PPP2R2D: variants seen among roughly 807,000 people sequenced by gnomAD.
PPP2R2D encodes protein phosphatase 2 regulatory subunit Bdelta.
A neutral mutation model predicts 31.1 loss-of-function variants in PPP2R2D; 9 were observed. That is an observed-to-expected ratio of 0.29 (90% confidence interval 0.17 to 0.51). PPP2R2D has a LOEUF of 0.51. PPP2R2D is among the 20% of genes least tolerant of loss of function. PPP2R2D has a pLI of 0.98. For missense variants in PPP2R2D, 391 were observed against 465.6 expected (o/e 0.84, Z 1.48); for synonymous variants, 179 against 172.6 (o/e 1.04, Z -0.29).
Position 131,947,382 on chromosome 10 carries a change from C to G in PPP2R2D, c.821-148C>G. 6 of 815,880 alleles carry G rather than the reference C, an allele frequency of 7.4e-6. 1 individual carries two copies. In the South Asian group the frequency reaches 1.1e-4, roughly 15 times the overall value. 50.5% of individuals were successfully genotyped at this position (815,880 alleles called of 1,614,324 possible). A position where few individuals can be genotyped will look rare whatever the true frequency, so the allele number is the denominator to read the frequency against. ...CGGAAGTCACAGAAGATCAGAAAAC[C>G]TAGAGAATCAGAAAGATCAGAAGAC... On this transcript the variant is annotated intron_variant, in intron 7 of 8. Transcript: ENST00000455566. The surrounding 1 kb of genome is among the most constrained non-coding windows in gnomAD (Gnocchi z 4.3).
At chr10:131,969,083 G>A in the PPP2R2D span, 1 of 155,540 alleles carries the variant, frequency 6.4e-6, no homozygotes, top group Non-Finnish European at 1.4e-5. Flanking sequence ...CCGGAGGGAG[G>A]AGGATGGGTC....
the PPP2R2D span, chr10:131,968,710 T>C: frequency 1.6e-6 from 1 of 618,322 alleles, no homozygotes; most frequent in Non-Finnish European, 2.9e-6. Flanking sequence ...AATTTTGTAA[T>C]GAATCTATCT....
intron 8 of PPP2R2D, among the ~76,000 whole-genome samples, chr10:131,949,716 C>CA (rs1200465877): frequency 1.3e-5 from 2 of 152,188 alleles, no homozygotes; most frequent in Non-Finnish European, 2.9e-5. Context: ...TCAGAGGGAA[C>CA]ATCTAGAAAT....
chr10:131,906,662 T>C (rs2035589969), intron 2 of PPP2R2D, among the ~76,000 whole-genome samples: 3 of 151,762 alleles, frequency 2.0e-5, no homozygotes, highest in Non-Finnish European at 4.4e-5. Context: ...GGCTCACGCC[T>C]GTAGTCTCAG....
At chr10:131,923,969 A>G (rs2036047548) in intron 2 of PPP2R2D, among the ~76,000 whole-genome samples, 1 of 152,128 alleles carries the variant, frequency 6.6e-6, no homozygotes, top group South Asian at 2.1e-4. Context: ...TGTGTTGCCC[A>G]GGCTGGTCTT....
At chr10:131,904,370 T>C (rs1487571361) in intron 2 of PPP2R2D, among the ~76,000 whole-genome samples, 1 of 151,246 alleles carries the variant, frequency 6.6e-6, no homozygotes, top group Non-Finnish European at 1.5e-5. Context: ...ATTAGCCGGG[T>C]GTGATGGCGG....
Position 131,956,519 on chromosome 10 carries a change from A to G in PPP2R2D, c.*556A>G, listed in dbSNP as rs2036803475. The G allele has an allele frequency of 1.0e-6, 1 of 985,364 alleles. No homozygotes were observed. The highest frequency in any genetic ancestry group is 1.1e-4 in the East Asian group (1 of 8,826). The allele number at this position is 985,364 out of a possible 1,614,324, so 61.0% of individuals were successfully genotyped here. ...CTTCGGGTGTGAGCGCTCAATAAAA[A>G]CAACACACTATAAAGTGTTTTTAAA... On this transcript the variant is annotated 3_prime_UTR_variant, in exon 9 of 9. Transcript: ENST00000455566.
chr10:131,964,689 A>G (rs1340493314), downstream of PPP2R2D, among the ~76,000 whole-genome samples: 4 of 95,804 alleles, frequency 4.2e-5, no homozygotes, highest in Admixed American at 4.9e-4. Context: ...TTTTTTTGTC[A>G]CTTTAACCTT....
intron 4 of PPP2R2D, 71 bp from the exon 5 acceptor site, chr10:131,940,511 C>G (rs2036423196): frequency 1.5e-6 from 1 of 686,380 alleles, no homozygotes; most frequent in Non-Finnish European, 2.7e-6. Context: ...TTTCTAATAC[C>G]AGTACTCAAA....
chr10:131,930,499 G>T (rs557477985), intron 2 of PPP2R2D, among the ~76,000 whole-genome samples: 45 of 152,314 alleles, frequency 3.0e-4, no homozygotes, highest in African/African-American at 1.0e-3. Flanking sequence ...TTGCATATTC[G>T]AAAACATTTT....
chr10:131,968,946 AGC>A, the PPP2R2D span: 4 of 183,348 alleles, frequency 2.2e-5, no homozygotes, highest in African/African-American at 9.4e-5. Context: ...TTAAAAATGA[AGC>A]CCCTGCCCTC....
intron 3 of PPP2R2D, chr10:131,934,883 C>A: frequency 2.2e-6 from 1 of 464,936 alleles, no homozygotes. Flanking sequence ...TCCCTTTATA[C>A]GCCTATGCAG....
At chr10:131,902,465 C>T in intron 2 of PPP2R2D, among the ~76,000 whole-genome samples, 1 of 152,230 alleles carries the variant, frequency 6.6e-6, no homozygotes, top group African/African-American at 2.4e-5. Flanking sequence ...GATTCTGCGC[C>T]CCCTGGGACA....
Position 131,949,731 on chromosome 10 carries a change from A to G in PPP2R2D, c.1082+1940A>G, listed in dbSNP as rs543691299. On this transcript the variant is annotated intron_variant, in intron 8 of 8. Transcript: ENST00000455566. ...TCAGAGGGAACATCTAGAAATGACA[A>G]GTATGATACATGACCGCCAAACATG... Among the ~76,000 whole-genome samples, 81 of 152,110 alleles carry G rather than the reference A, an allele frequency of 5.3e-4. 1 individual carries two copies. Among genetic ancestry groups the G allele is most frequent in the Admixed American group, 3.4e-3 (52 of 15,290 alleles).
chr10:131,915,168 A>G (rs1458629509), intron 2 of PPP2R2D, among the ~76,000 whole-genome samples: 2 of 152,090 alleles, frequency 1.3e-5, no homozygotes, highest in African/African-American at 4.8e-5. Context: ...ATTCATTACA[A>G]AAGCTCTAGT....
intron 8 of PPP2R2D, among the ~76,000 whole-genome samples, chr10:131,948,466 C>T (rs1043357173): frequency 2.6e-5 from 4 of 152,160 alleles, no homozygotes; most frequent in Non-Finnish European, 4.4e-5. Flanking sequence ...AAGTGATTGA[C>T]TGGATATTCT....
chr10:131,919,116 CA>C (rs1320465472), intron 2 of PPP2R2D, among the ~76,000 whole-genome samples: 1 of 116,926 alleles, frequency 8.6e-6, no homozygotes, highest in Non-Finnish European at 1.7e-5. Flanking sequence ...GCTGGAATGA[CA>C]GTGTAGGGAC....
At chr10:131,964,696 C>T (rs2036958651), downstream of PPP2R2D, among the ~76,000 whole-genome samples, 1 of 118,258 alleles carries the variant, frequency 8.5e-6, no homozygotes, top group African/African-American at 3.1e-5. Context: ...GTCACTTTAA[C>T]CTTGCAGTAT....
the PPP2R2D span, chr10:131,969,570 G>GT: frequency 1.3e-5 from 2 of 152,294 alleles, no homozygotes; most frequent in African/African-American, 2.4e-5. Context: ...CACGGGCAGC[G>GT]CTCAGGTCCC....
Sources: gnomAD v4.1 joint callset for allele counts (sites outside exome capture counted in the v4.1 genomes callset) on GRCh38, gnomAD v4.1.1 for gene constraint, Gnocchi (gnomAD v3.1) non-coding constraint, MANE v1.5 for transcripts, NCBI Gene and HGNC (gene_info 2026-07-23, HGNC 2026-07-21) for gene names.